The following SHH variants were observed in gnomAD, a reference collection of about 807,000 sequenced individuals.
SHH encodes sonic hedgehog protein.
A neutral mutation model predicts 16.6 loss-of-function variants in SHH; 3 were observed. The ratio of observed to expected loss-of-function variants is 0.18; its 90% CI spans 0.08 to 0.47. The LOEUF is 0.47. Ranked by LOEUF, SHH falls within the 20% of genes least tolerant of loss-of-function variation. SHH has a pLI of 0.98. For synonymous variants in SHH, 351 were observed against 316.2 expected, an observed-to-expected ratio of 1.11 and a Z score of -1.17; for missense variants, 499 against 665.0, an observed-to-expected ratio of 0.75 and a Z score of 2.75.
At chr7:155,810,895 A>G (rs1463655559) in intron 1 of SHH, among the ~76,000 whole-genome samples, 2 of 152,242 alleles carry the variant, frequency 1.3e-5, no homozygotes, top group African/African-American at 2.4e-5. Context: ...ACGTGCATGG[A>G]GTTTCAGAAA....
intron 2 of SHH, among the ~76,000 whole-genome samples, chr7:155,805,294 C>A (rs1163374542): frequency 6.6e-6 from 1 of 151,688 alleles, no homozygotes; most frequent in Non-Finnish European, 1.5e-5. Flanking sequence ...CTCTCCGGGC[C>A]GCACACCCGC....
intron 1 of SHH, among the ~76,000 whole-genome samples, chr7:155,808,695 A>T (rs1803431621): frequency 6.6e-6 from 1 of 152,050 alleles, no homozygotes; most frequent in South Asian, 2.1e-4. Flanking sequence ...TTATTAATTC[A>T]TTGGGTCGTG....
Position 155,811,974 on chromosome 7 carries a change from T to G in SHH, c.149A>C (p.Asn50Thr). Residue 50 changes from asparagine (N) to threonine (T), a missense_variant, in exon 1 of 3, where the codon AAT becomes ACT. Asn to Thr is a moderately conservative substitution (Grantham distance 65). Around this residue, in one of 4 missense-constraint regions of SHH, gnomAD observed 75 missense variants for 115.0 expected, o/e 0.65. Transcript: ENST00000297261. ...TPLAYKQFIP[N>T]VAEKTLGASG... ...GGCGCCTAGGGTCTTCTCGGCCACA[T>G]TGGGGATAAACTGCTTGTAGGCTAA... The G allele has an allele frequency of 6.2e-7, 1 of 1,614,182 alleles. No individual in the cohort carries two copies. The highest frequency in any genetic ancestry group is 8.5e-7 in the Non-Finnish European group (1 of 1,180,034).
In SHH at chr7:155,800,881, C is replaced by CTGT; in HGVS notation, c.*2018_*2019insACA. On this transcript the variant is annotated 3_prime_UTR_variant, in exon 3 of 3. Coordinates refer to ENST00000297261, the MANE Select transcript of SHH (RefSeq NM_000193.4). Reference sequence around the variant, plus strand: ...GGCTGAAGTCTGTTCACTCCTGTTCCCTAAGCCTGGACCACCTTCTACACA... The same window carrying CTGT: ...GGCTGAAGTCTGTTCACTCCTGTTCCTGTCTAAGCCTGGACCACCTTCTACACA... 1 of 314,456 alleles carries CTGT rather than the reference C, an allele frequency of 3.2e-6. No individual in the cohort carries two copies. The highest frequency in any genetic ancestry group is 6.4e-6 in the Non-Finnish European group (1 of 157,124). 19.5% of individuals were successfully genotyped at this position (314,456 alleles called of 1,614,324 possible).
chr7:155,803,812 T>C (rs1208358377), intron 2 of SHH, 86 bp from the exon 3 acceptor site: 3 of 1,215,046 alleles, frequency 2.5e-6, no homozygotes, highest in Non-Finnish European at 3.5e-6. Context: ...GGCGCACGCT[T>C]GGTGCCCGCG....
chr7:155,810,737 C>A (rs1040165978), intron 1 of SHH, among the ~76,000 whole-genome samples: 1 of 152,246 alleles, frequency 6.6e-6, no homozygotes, highest in Non-Finnish European at 1.5e-5. Flanking sequence ...CCGTCAGTAC[C>A]CTCCCCCTGC....
rs746540891 is a variant in SHH, at chr7:155,803,709, T to G, written c.580A>C (p.Lys194Gln). 2.6e-5 allele frequency: 42 copies of G among 1,597,408 alleles called. No individual in the cohort carries two copies. The highest frequency in any genetic ancestry group is 3.3e-5 in the Non-Finnish European group (39 of 1,179,436). Residue 194 changes from lysine (K) to glutamine (Q), a missense_variant, in exon 3 of 3, where the codon AAA (lysine) becomes CAA (glutamine). Physicochemically the swap from Lys to Gln is moderately conservative, Grantham distance 53 (BLOSUM62 1). Coordinates refer to ENST00000297261, the MANE Select transcript of SHH (RefSeq NM_000193.4). ...GAGCCCGGGAAGCAGCCTCCCGATT[T>G]GGCCGCCACCGAGTTCTCTGCGGGT... ...SVKAENSVAA[K>Q]SGGCFPGSAT... is the part of the protein sequence containing the mutation.
At chr7:155,806,815 A>G in intron 1 of SHH, 1 of 606,636 alleles carries the variant, frequency 1.6e-6, no homozygotes, top group South Asian at 1.9e-5. Context: ...CCAGGTCCTG[A>G]AACAGCCGAT....
rs1455460727 is a variant in SHH at position 155,803,349 on chromosome 7, G to C, written c.940C>G (p.Arg314Gly). The C allele has an allele frequency of 6.9e-7, 1 of 1,457,182 alleles. No homozygotes were observed. Among genetic ancestry groups the C allele is most frequent in the African/African-American group, 1.5e-5 (1 of 67,002 alleles). The allele number at this position is 1,457,182 out of a possible 1,614,324, so 90.3% of individuals were successfully genotyped here. A position where few individuals can be genotyped will look rare whatever the true frequency, so the allele number is the denominator to read the frequency against. The change falls in exon 3 of 3, where the codon CGC becomes GGC. Residue 314 changes from arginine to glycine, a missense_variant. Arg to Gly is a moderately radical substitution (Grantham distance 125). Around this residue, in one of 4 missense-constraint regions of SHH, gnomAD observed 299 missense variants for 301.1 expected, o/e 0.99. Transcript: ENST00000297261. ...TCACGCTCGGCCACCACGTACACGCGCTGGCCCGGGCGCACGCGGCTGGCG... is the reference window on the plus strand; with the variant it reads ...TCACGCTCGGCCACCACGTACACGCCCTGGCCCGGGCGCACGCGGCTGGCG... The part of the protein sequence containing the change: ...LFASRVRPGQ[R>G]VYVVAERDGD...
chr7:155,800,769 C>A lies in SHH; in HGVS notation c.*2131G>T. 2.5e-6 allele frequency: 1 copy of A among 395,490 alleles called. No homozygotes were observed. 24.5% of individuals were successfully genotyped at this position (395,490 alleles called of 1,614,324 possible). On this transcript the variant is annotated 3_prime_UTR_variant, in exon 3 of 3. Transcript: ENST00000297261. ...GCCATCCACCTGGTCACACACCCTCCACGGAAGGCCACTCAAGGGCAGACC... is the reference window on the plus strand; with the variant it reads ...GCCATCCACCTGGTCACACACCCTCAACGGAAGGCCACTCAAGGGCAGACC...
At position 155,803,387 on chromosome 7, in the gene SHH, G is replaced by C; in HGVS notation, c.902C>G (p.Pro301Arg). ...CACGCGGCTGGCGAACAGCGCCCGAGGCCCCAGTGCGCCCCCGGAAGGCGG... is the reference window on the plus strand; with the variant it reads ...CACGCGGCTGGCGAACAGCGCCCGACGCCCCAGTGCGCCCCCGGAAGGCGG... ...SGPPSGGALG[P>R]RALFASRVRP... Residue 301 changes from proline to arginine, a missense_variant, in exon 3 of 3, where the codon CCT becomes CGT. This residue lies in a region of SHH where 299 missense variants were observed against 301.1 expected (regional missense o/e 0.99). Coordinates refer to ENST00000297261, the MANE Select transcript of SHH (RefSeq NM_000193.4). 7 of 1,489,464 alleles carry C rather than the reference G, an allele frequency of 4.7e-6. No homozygotes were observed. Among genetic ancestry groups the C allele is most frequent in the Non-Finnish European group, 6.2e-6 (7 of 1,130,176 alleles). 92.3% of individuals were successfully genotyped at this position (1,489,464 alleles called of 1,614,324 possible). A position where few individuals can be genotyped will look rare whatever the true frequency, so the allele number is the denominator to read the frequency against.
At chr7:155,810,591 G>C (rs533786695) in intron 1 of SHH, among the ~76,000 whole-genome samples, 2 of 152,350 alleles carry the variant, frequency 1.3e-5, no homozygotes, top group African/African-American at 4.8e-5. Flanking sequence ...AAGGAAATCA[G>C]GACCATTTCC....
rs552960040 is a variant in SHH, at chr7:155,806,528, G to A, written c.330C>T (p.Ala110=). The A allele has an allele frequency of 2.4e-5, 38 of 1,611,870 alleles. No homozygotes were observed. Among genetic ancestry groups the A allele is most frequent in the Middle Eastern group, 3.3e-4 (2 of 6,060 alleles). Residue 110 remains alanine, a synonymous_variant, in exon 2 of 3, where the codon GCC becomes GCT. Transcript: ENST00000297261. ...CTGGCCACTGGTTCATCACCGAGATGGCCAAAGCGTTCAACTTGTCCTTAC... is the reference window on the plus strand; with the variant it reads ...CTGGCCACTGGTTCATCACCGAGATAGCCAAAGCGTTCAACTTGTCCTTAC... ...QRCKDKLNAL[A]ISVMNQWPGV...
intron 1 of SHH, among the ~76,000 whole-genome samples, chr7:155,810,480 C>A (rs1054251313): frequency 6.6e-6 from 1 of 152,238 alleles, no homozygotes; most frequent in African/African-American, 2.4e-5. Flanking sequence ...CCCCATGGCC[C>A]GTGCAGAGTT....
At chr7:155,804,557 C>T (rs1199248958) in intron 2 of SHH, among the ~76,000 whole-genome samples, 1 of 140,504 alleles carries the variant, frequency 7.1e-6, no homozygotes. Context: ...TCAGGTGCAA[C>T]CCCCCCCCAC....
chr7:155,802,824 G>T lies in SHH; in HGVS notation c.*76C>A. The T allele has an allele frequency of 2.2e-6, 2 of 903,452 alleles. No homozygotes were observed. The highest frequency in any genetic ancestry group is 2.5e-5 in the South Asian group (1 of 39,438). 56.0% of individuals were successfully genotyped at this position (903,452 alleles called of 1,614,324 possible). ...TCAGTCTGGTTCGTGCGCCTTTTCC[G>T]AGTGTCTTTTTGCTTTGCGTTGCTG... On this transcript the variant is annotated 3_prime_UTR_variant, in exon 3 of 3. Coordinates refer to ENST00000297261, the MANE Select transcript of SHH (RefSeq NM_000193.4).
intron 1 of SHH, chr7:155,806,831 T>C (rs1203058625): frequency 3.4e-6 from 2 of 582,952 alleles, no homozygotes; most frequent in African/African-American, 3.8e-5. Context: ...CCGATGCTCC[T>C]AGCGAGGCCT....
chr7:155,807,868 C>T lies in SHH; in HGVS notation c.301-1311G>A, dbSNP rs1414828859. ...TAACCTCCTCCAGTCTGGAAGGATG[C>T]TCTGCTTGGAGTCTGGTTGTCGCCA... On this transcript the variant is annotated intron_variant, in intron 1 of 2. Coordinates refer to ENST00000297261, the MANE Select transcript of SHH (RefSeq NM_000193.4). This position sits in a 1 kb window ranked among gnomAD's most constrained non-coding sequence, Gnocchi z 7.1. 6.6e-6 allele frequency among the ~76,000 whole-genome samples: 1 copy of T among 152,002 alleles called. No individual in the cohort carries two copies. Among genetic ancestry groups the T allele is most frequent in the Admixed American group, 6.5e-5 (1 of 15,268 alleles).
Position 155,803,632 on chromosome 7 carries a change from G to A in SHH, c.657C>T (p.Ser219=). The A allele has an allele frequency of 6.3e-7, 1 of 1,598,204 alleles. No homozygotes were observed. The highest frequency in any genetic ancestry group is 8.5e-7 in the Non-Finnish European group (1 of 1,179,440). ...QGGTKLVKDL[S]PGDRVLAADD... is the part of the protein sequence containing the mutation. ...CCGCCGCCAGCACGCGGTCCCCGGGGCTCAGGTCCTTCACCAGCTTGGTGC... is the reference window on the plus strand; with the variant it reads ...CCGCCGCCAGCACGCGGTCCCCGGGACTCAGGTCCTTCACCAGCTTGGTGC... Residue 219 remains serine, a synonymous_variant, in exon 3 of 3, where the codon AGC becomes AGT. Transcript: ENST00000297261.
Sources: allele counts gnomAD v4.1 joint callset (sites outside exome capture counted in the v4.1 genomes callset), GRCh38; gene constraint gnomAD v4.1.1; regional missense constraint gnomAD v4.1.1; non-coding constraint Gnocchi (gnomAD v3.1); transcripts MANE v1.5; gene names NCBI Gene and HGNC (gene_info 2026-07-23, HGNC 2026-07-21).